Variants in HS2ST1 observed in about 807,000 individuals in gnomAD.
HS2ST1 encodes 2-O-sulfotransferase.
Under a neutral mutation model 42.9 loss-of-function variants are expected in HS2ST1, and 18 were observed. That is an observed-to-expected ratio of 0.42 (90% CI 0.29 to 0.62). The LOEUF (loss-of-function observed/expected upper bound fraction) is 0.62. Ranked by LOEUF, HS2ST1 falls within the 20% of genes least tolerant of loss-of-function variation. HS2ST1 has a pLI of 0.21. For synonymous variants in HS2ST1, 146 were observed against 152.9 expected (o/e 0.95, Z 0.33); for missense variants, 334 against 433.8 (o/e 0.77, Z 2.04).
At chr1:87,047,860 C>G (rs76128788) in intron 1 of HS2ST1, among the ~76,000 whole-genome samples, 3,643 of 152,214 alleles carry the variant, frequency 0.024, 46 homozygotes, top group South Asian at 0.053. Context: ...AACTTGATAA[C>G]AAGTCTTGAG....
intron 1 of HS2ST1, chr1:87,064,650 G>C (rs990110537): frequency 1.7e-5 from 7 of 407,204 alleles, no homozygotes; most frequent in Non-Finnish European, 2.9e-5. Flanking sequence ...TGCTCAGGGA[G>C]ACTGATTCAA....
At chr1:86,964,947 A>T (rs1009838649) in intron 1 of HS2ST1, among the ~76,000 whole-genome samples, 3 of 152,138 alleles carry the variant, frequency 2.0e-5, no homozygotes, top group Non-Finnish European at 4.4e-5. Flanking sequence ...GTCATGGTAG[A>T]TTTGCACTAG....
At position 86,996,989 on chromosome 1, in the gene HS2ST1, G is replaced by A. The variant is rs376095973; in HGVS notation, c.125-75945G>A. Among the ~76,000 whole-genome samples the A allele has an allele frequency of 7.2e-5, 11 of 152,224 alleles. No individual in the cohort carries two copies. The East Asian group carries it at 2.1e-3, about 29-fold the overall frequency. On this transcript the variant is annotated intron_variant, in intron 1 of 6. Transcript: ENST00000370550. The stretch of plus-strand genomic sequence containing the variant: ...ATATATATATATACAACAGCTATTT[G>A]AAAGCCTTGGAGAGCAGCCGGTGTA...
chr1:86,932,759 C>A (rs1296677462), intron 1 of HS2ST1, among the ~76,000 whole-genome samples: 4 of 152,084 alleles, frequency 2.6e-5, no homozygotes, highest in African/African-American at 9.7e-5. Context: ...GTACAGCAAT[C>A]CAGGTTAGGT....
At chr1:86,958,074 G>A (rs1377858979) in intron 1 of HS2ST1, among the ~76,000 whole-genome samples, 1 of 152,224 alleles carries the variant, frequency 6.6e-6, no homozygotes, top group Admixed American at 6.5e-5. Context: ...TTACAGGCAT[G>A]AGCCATCACA....
intron 1 of HS2ST1, among the ~76,000 whole-genome samples, chr1:87,001,614 C>G (rs1198766462): frequency 6.6e-6 from 1 of 152,136 alleles, no homozygotes; most frequent in Admixed American, 6.5e-5. Context: ...TGTGGTATTA[C>G]TATTGTAGTT....
At chr1:86,930,054 A>C (rs2102163313) in intron 1 of HS2ST1, among the ~76,000 whole-genome samples, 1 of 151,906 alleles carries the variant, frequency 6.6e-6, no homozygotes, top group Non-Finnish European at 1.5e-5. Context: ...GTAGACTGAA[A>C]TGGTGGACTA....
At position 87,091,325 on chromosome 1, in the gene HS2ST1, A is replaced by T. The variant is rs186154831; in HGVS notation, c.450-1206A>T. ...GATATGGGAGGAGATAAAAGAGGCC[A>T]ACCTAACTATAACAGATAAATGGTT... On this transcript the variant is annotated intron_variant, in intron 3 of 6. Coordinates refer to ENST00000370550, the MANE Select transcript of HS2ST1 (RefSeq NM_012262.4). Among the ~76,000 whole-genome samples the T allele has an allele frequency of 1.2e-3, 179 of 152,190 alleles. 1 individual carries two copies. Among genetic ancestry groups the T allele is most frequent in the Non-Finnish European group, 2.0e-3 (139 of 67,962 alleles).
chr1:86,993,432 C>G (rs1156588372), intron 1 of HS2ST1, among the ~76,000 whole-genome samples: 1 of 152,046 alleles, frequency 6.6e-6, no homozygotes, highest in African/African-American at 2.4e-5. Flanking sequence ...GTTTTGTTTT[C>G]TTTATTTATA....
intron 3 of HS2ST1, 67 bp from the exon 4 acceptor site, chr1:87,092,464 A>G: frequency 1.8e-6 from 2 of 1,081,824 alleles, no homozygotes; most frequent in South Asian, 2.9e-5. Flanking sequence ...TTAAACATGT[A>G]ATTTCAGGGC....
intron 1 of HS2ST1, among the ~76,000 whole-genome samples, chr1:86,937,495 A>G (rs1049558259): frequency 9.9e-5 from 15 of 152,172 alleles, no homozygotes; most frequent in African/African-American, 2.4e-4. Flanking sequence ...GATGATGTCA[A>G]AGTTTCACTG....
intron 1 of HS2ST1, among the ~76,000 whole-genome samples, chr1:86,970,184 A>G (rs971847934): frequency 1.3e-5 from 2 of 152,138 alleles, no homozygotes; most frequent in African/African-American, 2.4e-5. Flanking sequence ...TTTATAACAG[A>G]ATGATTTTAT....
intron 1 of HS2ST1, among the ~76,000 whole-genome samples, chr1:86,957,731 A>T (rs1006369916): frequency 1.3e-5 from 2 of 152,120 alleles, no homozygotes; most frequent in African/African-American, 4.8e-5. Flanking sequence ...TGTGAATAGT[A>T]CACAGGTATA....
intron 1 of HS2ST1, among the ~76,000 whole-genome samples, chr1:86,979,758 C>G (rs1434959397): frequency 2.6e-5 from 4 of 152,200 alleles, no homozygotes; most frequent in Non-Finnish European, 5.9e-5. Flanking sequence ...GTAATTCTAT[C>G]TTTCACTTTT....
chr1:86,917,109 T>G (rs1043195903), intron 1 of HS2ST1, among the ~76,000 whole-genome samples: 1 of 152,194 alleles, frequency 6.6e-6, no homozygotes, highest in African/African-American at 2.4e-5. Flanking sequence ...TGGGTATACC[T>G]GGGAGTACAG....
At chr1:86,950,097 G>A (rs1052578974) in intron 1 of HS2ST1, among the ~76,000 whole-genome samples, 29 of 152,168 alleles carry the variant, frequency 1.9e-4, no homozygotes, top group East Asian at 7.7e-4. Context: ...GATTGGATTC[G>A]GAGAAATCTG....
intron 2 of HS2ST1, among the ~76,000 whole-genome samples, chr1:87,082,993 C>T (rs1260812402): frequency 2.0e-5 from 3 of 152,170 alleles, no homozygotes; most frequent in Non-Finnish European, 4.4e-5. Context: ...CATTTCCATT[C>T]TAAAAGCTTC....
intron 1 of HS2ST1, among the ~76,000 whole-genome samples, chr1:87,044,171 T>C (rs1008619905): frequency 2.0e-5 from 3 of 152,146 alleles, no homozygotes; most frequent in African/African-American, 7.2e-5. Flanking sequence ...AATCATTAAA[T>C]AAATAGCAGT....
At chr1:87,033,525 G>GTGTTTTTT (rs901060251) in intron 1 of HS2ST1, among the ~76,000 whole-genome samples, 29 of 149,984 alleles carry the variant, frequency 1.9e-4, no homozygotes, top group Admixed American at 2.0e-4. Context: ...TTTTAAAGTA[G>GTGTTTTTT]TGTTTTTTTG....
Sources: gnomAD v4.1 joint callset for allele counts (sites outside exome capture counted in the v4.1 genomes callset) on GRCh38, gnomAD v4.1.1 for gene constraint, MANE v1.5 for transcripts, NCBI Gene and HGNC (gene_info 2026-07-23, HGNC 2026-07-21) for gene names.